The following ADGRB3 variants were observed in gnomAD, a reference collection of about 807,000 sequenced individuals.
ADGRB3 encodes brain-specific angiogenesis inhibitor 3.
Under a neutral mutation model 193.4 loss-of-function variants are expected in ADGRB3, and 37 were observed. That is an observed-to-expected ratio of 0.19 (90% CI 0.15 to 0.25). The LOEUF (loss-of-function observed/expected upper bound fraction) is 0.25. Among genes scored for constraint, ADGRB3 ranks in the 10% least tolerant of loss-of-function variants. The probability of loss-of-function intolerance (pLI) is 1.00; values close to 1 mark genes in which losing one functional copy is unlikely to be tolerated. For missense variants in ADGRB3, 1,637 were observed against 1,852.9 expected, an observed-to-expected ratio of 0.88 and a Z score of 2.14; for synonymous variants, 690 against 644.2, an observed-to-expected ratio of 1.07 and a Z score of -1.08.
chr6:69,350,666 G>A (rs1769202381), intron 26 of ADGRB3, among the ~76,000 whole-genome samples: 1 of 152,008 alleles, frequency 6.6e-6, no homozygotes, highest in African/African-American at 2.4e-5. Context: ...CAAATGGTAA[G>A]TCAAAGAATA....
intron 26 of ADGRB3, among the ~76,000 whole-genome samples, chr6:69,350,549 G>T (rs747727148): frequency 6.6e-6 from 1 of 151,836 alleles, no homozygotes; most frequent in Non-Finnish European, 1.5e-5. Flanking sequence ...GCATTTACTG[G>T]TATCAAGTAA....
chr6:69,205,598 C>A (rs1765521353), intron 17 of ADGRB3, among the ~76,000 whole-genome samples: 1 of 151,978 alleles, frequency 6.6e-6, no homozygotes, highest in Non-Finnish European at 1.5e-5. Context: ...TGGCACTGGC[C>A]TCTAGTATGG....
intron 13 of ADGRB3, among the ~76,000 whole-genome samples, chr6:69,028,395 C>T (rs543202820): frequency 6.6e-6 from 1 of 152,112 alleles, no homozygotes; most frequent in East Asian, 1.9e-4. Context: ...ATAGAAGTTT[C>T]TTATCTAAGT....
chr6:68,955,998 T>A (rs1297159058), intron 6 of ADGRB3, 26 bp from the exon 7 acceptor site: 1 of 1,607,802 alleles, frequency 6.2e-7, no homozygotes, highest in Non-Finnish European at 8.5e-7. Context: ...GATATCCTCA[T>A]GCTGTCTCTT....
intron 3 of ADGRB3, among the ~76,000 whole-genome samples, chr6:68,786,099 A>G (rs1477829223): frequency 6.6e-6 from 1 of 151,780 alleles, no homozygotes; most frequent in East Asian, 1.9e-4. Context: ...CCGATTCTGT[A>G]GGTTGCCTGT....
At position 68,980,880 on chromosome 6, in the gene ADGRB3, C is replaced by T. The variant is rs1004473190; in HGVS notation, c.1734+5540C>T. 6.6e-5 allele frequency among the ~76,000 whole-genome samples: 10 copies of T among 151,452 alleles called. 1 individual carries two copies. The highest frequency in any genetic ancestry group is 1.5e-4 in the Non-Finnish European group (10 of 67,702). On this transcript the variant is annotated intron_variant, in intron 10 of 31. Transcript: ENST00000370598. ...AATCAGTAGTTCTTAATCCTGACAA[C>T]ATTATTATCACATGGAAGTTCTTAA... is the stretch of plus-strand genomic sequence containing the variant.
At chr6:69,234,886 A>C in intron 18 of ADGRB3, 146 bp from the exon 19 acceptor site, 1 of 595,824 alleles carries the variant, frequency 1.7e-6, no homozygotes, top group South Asian at 2.1e-5. Flanking sequence ...GAATGCAAGA[A>C]CAGAGTGGAT....
At chr6:68,926,855 C>T (rs913818305) in intron 3 of ADGRB3, among the ~76,000 whole-genome samples, 1 of 152,014 alleles carries the variant, frequency 6.6e-6, no homozygotes, top group African/African-American at 2.4e-5. Context: ...AATTTTAAGT[C>T]TATTTGTTTT....
chr6:69,131,516 A>G (rs1268761113), intron 17 of ADGRB3, among the ~76,000 whole-genome samples: 2 of 152,044 alleles, frequency 1.3e-5, no homozygotes, highest in Non-Finnish European at 2.9e-5. Context: ...AATGGGGGAT[A>G]CAACAGTTTC....
intron 17 of ADGRB3, among the ~76,000 whole-genome samples, chr6:69,201,646 G>A (rs1456708005): frequency 6.6e-6 from 1 of 151,886 alleles, no homozygotes; most frequent in East Asian, 1.9e-4. Flanking sequence ...TTAACGTCAG[G>A]CACTGTCAGC....
intron 3 of ADGRB3, among the ~76,000 whole-genome samples, chr6:68,795,153 C>A (rs1161028548): frequency 6.6e-6 from 1 of 151,842 alleles, no homozygotes; most frequent in African/African-American, 2.4e-5. Context: ...CCCCAGCAGT[C>A]CATGTGGTCA....
At chr6:69,134,493 A>G (rs1370184177) in intron 17 of ADGRB3, among the ~76,000 whole-genome samples, 2 of 152,100 alleles carry the variant, frequency 1.3e-5, no homozygotes, top group Non-Finnish European at 2.9e-5. Context: ...TGTAATCCCC[A>G]TAGCACTTCA....
intron 20 of ADGRB3, among the ~76,000 whole-genome samples, chr6:69,279,019 A>G (rs1767361279): frequency 6.9e-6 from 1 of 145,430 alleles, no homozygotes; most frequent in Non-Finnish European, 1.5e-5. Context: ...TTCTGTTTCA[A>G]GAATTCACTT....
At chr6:69,024,195 G>A (rs555050388) in intron 13 of ADGRB3, among the ~76,000 whole-genome samples, 2 of 152,182 alleles carry the variant, frequency 1.3e-5, no homozygotes, top group East Asian at 3.9e-4. Context: ...ATGATTAGAG[G>A]TAGTAGGTAT....
At chr6:68,942,861 T>C (rs1767681283) in intron 5 of ADGRB3, among the ~76,000 whole-genome samples, 1 of 152,214 alleles carries the variant, frequency 6.6e-6, no homozygotes, top group South Asian at 2.1e-4. Flanking sequence ...TCTGCCCATC[T>C]TGGCCTCTGA....
chr6:68,820,794 T>A (rs1030988269), intron 3 of ADGRB3, among the ~76,000 whole-genome samples: 20 of 152,090 alleles, frequency 1.3e-4, no homozygotes, highest in Non-Finnish European at 2.4e-4. Context: ...CAAACTTTTT[T>A]AGAATCTTTT....
chr6:68,657,883 C>T (rs1271592951), intron 3 of ADGRB3, among the ~76,000 whole-genome samples: 1 of 151,082 alleles, frequency 6.6e-6, no homozygotes, highest in East Asian at 1.9e-4. Flanking sequence ...ACAACTTAAC[C>T]CCAAATGTAT....
intron 19 of ADGRB3, among the ~76,000 whole-genome samples, chr6:69,236,455 G>A (rs1582567166): frequency 6.6e-6 from 1 of 151,970 alleles, no homozygotes; most frequent in Non-Finnish European, 1.5e-5. Flanking sequence ...TGGGTTCAGG[G>A]CTCACTCAAG....
chr6:68,797,741 C>G (rs2127369435), intron 3 of ADGRB3, among the ~76,000 whole-genome samples: 1 of 152,192 alleles, frequency 6.6e-6, no homozygotes, highest in East Asian at 1.9e-4. Flanking sequence ...GACAAGACGT[C>G]ATCCCCTTCA....
Sources: allele counts gnomAD v4.1 joint callset (sites outside exome capture counted in the v4.1 genomes callset), GRCh38; gene constraint gnomAD v4.1.1; transcripts MANE v1.5; gene names NCBI Gene and HGNC (gene_info 2026-07-23, HGNC 2026-07-21).